The following MYH9 variants were observed in gnomAD, a reference collection of about 807,000 sequenced individuals.
MYH9 encodes the protein myosin heavy chain 9.
Under a neutral mutation model 241.9 loss-of-function variants are expected in MYH9, and 29 were observed. The observed-to-expected ratio is 0.12, with a 90% CI of 0.09 to 0.16. The LOEUF (loss-of-function observed/expected upper bound fraction) is 0.16. Ranked by LOEUF, MYH9 falls within the 10% of genes least tolerant of loss-of-function variation. The pLI is 1.00. For missense variants in MYH9, 1,803 were observed against 2,595.5 expected, an observed-to-expected ratio of 0.69 and a Z score of 6.63; for synonymous variants, 1,047 against 1,062.6, an observed-to-expected ratio of 0.99 and a Z score of 0.29.
At chr22:36,348,830 T>TGGGCCGGGGGGGGGGGGGGG in intron 2 of MYH9, 74 bp downstream of exon 2, 1 of 1,117,214 alleles carries the variant, frequency 9.0e-7, no homozygotes, top group Non-Finnish European at 1.3e-6. Context: ...GTGAGGGTGA[T>TGGGCCGGGGGGGGGGGGGGG]GGGAAGACCC....
rs2146332041 is a variant in MYH9, at chr22:36,289,118, G to T, written c.4524C>A (p.Asp1508Glu). 6.2e-7 allele frequency: 1 copy of T among 1,614,074 alleles called. No homozygotes were observed. Among genetic ancestry groups the T allele is most frequent in the South Asian group, 1.1e-5 (1 of 91,088 alleles). ...LNKQFRTEMEDLMSSKDDVGK... is the reference protein window; with the variant it reads ...LNKQFRTEMEELMSSKDDVGK... The stretch of plus-strand genomic sequence containing the variant: ...CCACATCATCCTTGGAGCTCATAAG[G>T]TCCTCCATCTCCGTGCGGAACTGCT... Residue 1508 changes from aspartate (D) to glutamate (E), a missense_variant, in exon 32 of 41, where the codon GAC becomes GAA. Physicochemically the swap from Asp to Glu is conservative, Grantham distance 45. Coordinates refer to ENST00000216181, the MANE Select transcript of MYH9 (RefSeq NM_002473.6).
rs758951998 is a variant in MYH9 at position 36,320,280 on chromosome 22, T to C, written c.952A>G (p.Met318Val). Reference sequence around the variant, plus strand: ...ATGGCCTCCATGGTCTCCTGGAACATGTCCTTGTCCTGCTGCCCGGGGATG... The same window carrying C: ...ATGGCCTCCATGGTCTCCTGGAACACGTCCTTGTCCTGCTGCCCGGGGATG... The part of the protein sequence containing the change: ...VTIPGQQDKD[M>V]FQETMEAMRI... Residue 318 changes from methionine (M) to valine (V), a missense_variant, in exon 9 of 41, where the codon ATG (methionine) becomes GTG (valine). Met to Val is a conservative substitution (Grantham distance 21, BLOSUM62 1). Transcript: ENST00000216181. This position sits in a 1 kb window ranked among gnomAD's most constrained non-coding sequence, Gnocchi z 4.8. 5.0e-6 allele frequency: 8 copies of C among 1,614,228 alleles called. No homozygotes were observed. Among genetic ancestry groups the C allele is most frequent in the South Asian group, 1.1e-5 (1 of 91,086 alleles).
chr22:36,355,773 T>C (rs2017845992), intron 1 of MYH9, among the ~76,000 whole-genome samples: 2 of 152,238 alleles, frequency 1.3e-5, no homozygotes, highest in East Asian at 3.8e-4. Flanking sequence ...TTCAATGCCC[T>C]GCTCCGTTTC....
chr22:36,300,997 C>T lies in MYH9; in HGVS notation c.2692G>A (p.Glu898Lys), dbSNP rs1462795072. Reference sequence around the variant, plus strand: ...AGGCGGGCCCGGAGCTCCTCAGCCTCGGCACACAGCTCGGTTTCTGCCTGG... The same window carrying T: ...AGGCGGGCCCGGAGCTCCTCAGCCTTGGCACACAGCTCGGTTTCTGCCTGG... ...QLQAETELCAEAEELRARLTA... is the reference protein window; with the variant it reads ...QLQAETELCAKAEELRARLTA... The change falls in exon 22 of 41, where the codon GAG becomes AAG. Residue 898 changes from glutamate (E) to lysine (K), a missense_variant. Physicochemically the swap from Glu to Lys is moderately conservative, Grantham distance 56 (BLOSUM62 1). This residue lies in a region of MYH9 where 290 missense variants were observed against 360.5 expected (regional missense o/e 0.80). Transcript: ENST00000216181. This position sits in a 1 kb window ranked among gnomAD's most constrained non-coding sequence, Gnocchi z 5.0. The T allele has an allele frequency of 1.2e-6, 2 of 1,611,792 alleles. No homozygotes were observed. The highest frequency in any genetic ancestry group is 1.3e-5 in the African/African-American group (1 of 74,918).
At chr22:36,325,088 T>A in intron 5 of MYH9, 1 of 775,024 alleles carries the variant, frequency 1.3e-6, no homozygotes, top group East Asian at 2.4e-5. Context: ...GCTAGAGAAC[T>A]CCTAACCTCA....
At chr22:36,313,329 G>C (rs8141361) in intron 13 of MYH9, among the ~76,000 whole-genome samples, 11 of 150,146 alleles carry the variant, frequency 7.3e-5, no homozygotes, top group African/African-American at 2.4e-4. Context: ...GCGGGCGCCT[G>C]TAGTCCCAGC....
At chr22:36,353,112 T>A (rs965328615) in intron 1 of MYH9, among the ~76,000 whole-genome samples, 12 of 117,064 alleles carry the variant, frequency 1.0e-4, no homozygotes, top group East Asian at 4.8e-4. Context: ...CGTGTGTGTG[T>A]GTGTGTGTGT....
intron 1 of MYH9, among the ~76,000 whole-genome samples, chr22:36,386,287 C>G (rs1371888206): frequency 2.0e-5 from 3 of 152,170 alleles, no homozygotes; most frequent in African/African-American, 7.2e-5. Flanking sequence ...TGGCAGAGTC[C>G]CTGGCACAGA....
At position 36,293,512 on chromosome 22, in the gene MYH9, T is replaced by C. The variant is rs762998719; in HGVS notation, c.3943-31A>G. ...CGCGGGTTGAGAGGGGTGCGGGTGC[T>C]TAGGAGGGTGGTGTCCAAAACCCAG... On this transcript the variant is annotated intron_variant, in intron 29 of 40. Transcript: ENST00000216181. The surrounding 1 kb of genome is among the most constrained non-coding windows in gnomAD (Gnocchi z 5.1). 1.9e-6 allele frequency: 3 copies of C among 1,610,274 alleles called. 1 individual carries two copies. Among genetic ancestry groups the C allele is most frequent in the South Asian group, 2.2e-5 (2 of 91,056 alleles).
intron 1 of MYH9, among the ~76,000 whole-genome samples, chr22:36,361,299 C>A (rs987360538): frequency 1.3e-5 from 2 of 152,110 alleles, no homozygotes; most frequent in African/African-American, 4.8e-5. Flanking sequence ...ACTTAGTGCC[C>A]GGGCCCCAGA....
intron 31 of MYH9, 140 bp downstream of exon 31, chr22:36,291,846 G>A: frequency 8.1e-7 from 1 of 1,239,980 alleles, no homozygotes; most frequent in South Asian, 1.4e-5. Context: ...AGAGCCTGAG[G>A]GTCCTCTAAG....
chr22:36,314,115 G>A, intron 13 of MYH9, 30 bp downstream of exon 13: 2 of 1,607,270 alleles, frequency 1.2e-6, no homozygotes, highest in South Asian at 1.1e-5. Flanking sequence ...CCAGAGGCAG[G>A]TGTGAGGTCA....
chr22:36,335,890 G>C (rs1033284621), intron 3 of MYH9, among the ~76,000 whole-genome samples: 2 of 152,186 alleles, frequency 1.3e-5, no homozygotes, highest in Non-Finnish European at 2.9e-5. Context: ...AATTCGAAGA[G>C]CCATGCTCAG....
intron 35 of MYH9, among the ~76,000 whole-genome samples, chr22:36,286,195 G>A (rs976728030): frequency 6.6e-6 from 1 of 152,238 alleles, no homozygotes; most frequent in Non-Finnish European, 1.5e-5. Context: ...AGGGTATGGC[G>A]ATAAGTAAGA....
chr22:36,325,499 G>A (rs991020132), intron 5 of MYH9, among the ~76,000 whole-genome samples: 1 of 152,224 alleles, frequency 6.6e-6, no homozygotes, highest in African/African-American at 2.4e-5. Flanking sequence ...TTAAGAGTGT[G>A]TGCTTGAGAG....
At position 36,285,446 on chromosome 22, in the gene MYH9, G is replaced by T; in HGVS notation, c.5275-117C>A. 1.5e-6 allele frequency: 2 copies of T among 1,337,476 alleles called. No homozygotes were observed. Among genetic ancestry groups the T allele is most frequent in the South Asian group, 1.2e-5 (1 of 84,646 alleles). The allele number at this position is 1,337,476 out of a possible 1,614,324, so 82.9% of individuals were successfully genotyped here. On this transcript the variant is annotated intron_variant, in intron 37 of 40. Coordinates refer to ENST00000216181, the MANE Select transcript of MYH9 (RefSeq NM_002473.6). The surrounding 1 kb of genome is among the most constrained non-coding windows in gnomAD (Gnocchi z 7.0). ...CCAAACCCTTGGGGTCCAGAGTCTT[G>T]GGTCTCCCAGAAAAGGGAAGATTAG... is the stretch of plus-strand genomic sequence containing the variant.
At chr22:36,297,090 C>A (rs746948659) in intron 24 of MYH9, 76 bp from the exon 25 acceptor site, 11 of 1,522,236 alleles carry the variant, frequency 7.2e-6, no homozygotes, top group Non-Finnish European at 9.9e-6. Context: ...ATACAAAATA[C>A]TGAGCACTCG....
intron 1 of MYH9, among the ~76,000 whole-genome samples, chr22:36,382,786 G>C (rs556583253): frequency 1.8e-4 from 27 of 152,104 alleles, no homozygotes; most frequent in Non-Finnish European, 3.7e-4. Flanking sequence ...CTGGGCAACA[G>C]AGTGAGACCC....
At chr22:36,298,768 G>T in intron 24 of MYH9, 151 bp downstream of exon 24, 1 of 1,207,902 alleles carries the variant, frequency 8.3e-7, no homozygotes, top group Non-Finnish European at 1.2e-6. Context: ...GTGACCTCAG[G>T]TCTAAAGGGC....
Sources: gnomAD v4.1 joint callset for allele counts (sites outside exome capture counted in the v4.1 genomes callset) on GRCh38, gnomAD v4.1.1 for gene constraint, gnomAD v4.1.1 regional missense constraint, Gnocchi (gnomAD v3.1) non-coding constraint, MANE v1.5 for transcripts, NCBI Gene and HGNC (gene_info 2026-07-23, HGNC 2026-07-21) for gene names.